PTOV1: variants seen among roughly 807,000 people sequenced by gnomAD.
PTOV1 encodes the protein prostate tumor-overexpressed gene 1 protein.
A neutral mutation model predicts 58.0 loss-of-function variants in PTOV1; 20 were observed. The ratio of observed to expected loss-of-function variants is 0.34; its 90% confidence interval spans 0.24 to 0.50. The LOEUF is 0.50. Among genes scored for constraint, PTOV1 ranks in the 20% least tolerant of loss-of-function variants. The pLI is 0.98. For missense variants in PTOV1, 593 were observed against 565.4 expected (o/e 1.05, Z -0.50); for synonymous variants, 335 against 234.2 (o/e 1.43, Z -3.93).
chr19:49,850,816 C>A, upstream of PTOV1: 1 of 1,523,094 alleles, frequency 6.6e-7, no homozygotes, highest in South Asian at 1.2e-5. Flanking sequence ...CCCATTATTC[C>A]GTCCTCCCCT....
chr19:49,859,572 CA>C (rs113785990), intron 10 of PTOV1, among the ~76,000 whole-genome samples: 5,691 of 127,464 alleles, frequency 0.045, 113 homozygotes, highest in South Asian at 0.13. Context: ...AACTCAGTCT[CA>C]AAAAAAAAAA....
At chr19:49,851,786 C>A in intron 1 of PTOV1, 1 of 1,048,972 alleles carries the variant, frequency 9.5e-7, no homozygotes, top group Non-Finnish European at 1.1e-6. Flanking sequence ...CTGGGGGCGG[C>A]AGACAGGCAG....
intron 5 of PTOV1, 30 bp downstream of exon 5, chr19:49,855,107 G>T: frequency 6.5e-7 from 1 of 1,537,166 alleles, no homozygotes; most frequent in Non-Finnish European, 8.9e-7. Flanking sequence ...TTGTAGCACT[G>T]TGGTGACAAG....
At chr19:49,855,012 T>C in exon 5 of PTOV1, 1 of 1,601,228 alleles carries the variant, frequency 6.2e-7, no homozygotes, top group Non-Finnish European at 8.5e-7. Flanking sequence ...GTTGGCACAG[T>C]TCCACTTCAC....
chr19:49,860,393 G>T, exon 12 of PTOV1: 1 of 993,852 alleles, frequency 1.0e-6, no homozygotes. Context: ...GGGGGGGTGG[G>T]GTTGGGAAAG....
intron 9 of PTOV1, chr19:49,858,328 G>A (rs2074573616): frequency 2.8e-6 from 2 of 720,790 alleles, no homozygotes; most frequent in East Asian, 5.4e-5. Flanking sequence ...AGCGGGGCAG[G>A]GGCAGCCACG....
At chr19:49,858,464 C>A in intron 9 of PTOV1, 85 bp from the exon 10 acceptor site, 2 of 1,134,798 alleles carry the variant, frequency 1.8e-6, no homozygotes, top group South Asian at 1.4e-5. Context: ...CAGTTTGGTC[C>A]TGGGCCCGGG....
chr19:49,850,720 C>G (rs976546410), upstream of PTOV1: 4 of 833,886 alleles, frequency 4.8e-6, no homozygotes, highest in African/African-American at 5.3e-5. Context: ...GCCACGTCAC[C>G]GACTGCAAAC....
chr19:49,853,298 T>G (rs893569325), intron 1 of PTOV1: 7 of 152,346 alleles, frequency 4.6e-5, no homozygotes, highest in African/African-American at 1.7e-4. Context: ...CTCGTGGGTT[T>G]CCTGCTGCCA....
intron 1 of PTOV1, chr19:49,852,697 C>T (rs1024799492): frequency 2.0e-5 from 3 of 152,192 alleles, no homozygotes; most frequent in Non-Finnish European, 4.4e-5. Context: ...CCTGAGTCAA[C>T]CTGCTCTCCT....
Position 49,857,735 on chromosome 19 carries a change from G to A in PTOV1, c.757G>A (p.Val253Ile), listed in dbSNP as rs150173437. The A allele has an allele frequency of 3.5e-4, 571 of 1,614,182 alleles. 3 individuals carry two copies. The African/African-American group carries it at 6.9e-3, about 19-fold the overall frequency. ...TGTCAACTCAGGCCCAGTCCAGATC[G>A]TCAACAACAAGTTTCTGGCATGGAG... Residue 253 changes from valine to isoleucine, a missense_variant, in exon 7 of 12, where the codon GTC (valine) becomes ATC (isoleucine). By Grantham distance (29) the Val-to-Ile change is conservative. Coordinates refer to ENST00000391842, the Ensembl canonical transcript of PTOV1.
intron 1 of PTOV1, 49 bp downstream of exon 1, chr19:49,851,548 A>G (rs1600351084): frequency 1.2e-6 from 1 of 822,434 alleles, no homozygotes; most frequent in Non-Finnish European, 1.5e-6. Flanking sequence ...CCGCCCCCCC[A>G]GCCCCTATCC....
exon 11 of PTOV1, chr19:49,860,150 G>T (rs1406668230): frequency 6.2e-7 from 1 of 1,614,198 alleles, no homozygotes; most frequent in African/African-American, 1.3e-5. Context: ...AGGTCCTGCA[G>T]CGGAACCTGG....
intron 4 of PTOV1, 22 bp downstream of exon 4, chr19:49,854,910 C>CCCCCCCCCCCTTGG: frequency 1.2e-6 from 2 of 1,607,072 alleles, no homozygotes; most frequent in Non-Finnish European, 8.5e-7. Flanking sequence ...CCCTCCCACC[C>CCCCCCCCCCCTTGG]CATCCACTCT....
chr19:49,851,699 CCGGGGTGGGGGGTTGGGGGA>C, intron 1 of PTOV1, 200 bp downstream of exon 1: 1 of 1,125,646 alleles, frequency 8.9e-7, no homozygotes, highest in Non-Finnish European at 1.1e-6. Flanking sequence ...CGCGTTCGGG[CCGGGGTGGGGGGTTGGGGGA>C]CGGGGGCGGG....
chr19:49,853,672 C>T (rs956609788), intron 1 of PTOV1, among the ~76,000 whole-genome samples: 21 of 152,016 alleles, frequency 1.4e-4, no homozygotes, highest in Middle Eastern at 3.5e-3. Context: ...GCATTTGTGG[C>T]GTTGCTTGGC....
rs771181635 is a variant in PTOV1, at chr19:49,858,033, C to T, written c.879-24C>T. The T allele has an allele frequency of 2.1e-5, 34 of 1,613,678 alleles. No homozygotes were observed. In the South Asian group the frequency reaches 2.3e-4, roughly 11 times the overall value. ...ATCCAGGGGAGCTGGGGCTTCCTGACCCTCGTCCCTTTGTGCCCCACAGGA... is the reference window on the plus strand; with the variant it reads ...ATCCAGGGGAGCTGGGGCTTCCTGATCCTCGTCCCTTTGTGCCCCACAGGA... On this transcript the variant is annotated intron_variant, in intron 8 of 11. Transcript: ENST00000391842.
rs537423003 is a variant in PTOV1 at position 49,857,994 on chromosome 19, G to T, written c.878+17G>T. On this transcript the variant is annotated intron_variant, in intron 8 of 11. Coordinates refer to ENST00000391842, the Ensembl canonical transcript of PTOV1. ...GGAGATCCTGTGAGTGCTGGGCTGG[G>T]GGGTGGAGGCAGCATCCAGGGGAGC... is the stretch of plus-strand genomic sequence containing the variant. 6.8e-6 allele frequency: 11 copies of T among 1,613,160 alleles called. No homozygotes were observed. Among genetic ancestry groups the T allele is most frequent in the Middle Eastern group, 1.7e-4 (1 of 6,054 alleles).
At chr19:49,851,889 G>A (rs2074266897) in intron 1 of PTOV1, 5 of 985,966 alleles carry the variant, frequency 5.1e-6, no homozygotes, top group Non-Finnish European at 2.4e-6. Flanking sequence ...ACAGCGGCGA[G>A]GGAGGGGCCC....
Sources: gnomAD v4.1 joint callset for allele counts (sites outside exome capture counted in the v4.1 genomes callset) on GRCh38, gnomAD v4.1.1 for gene constraint, MANE v1.5 for transcripts, NCBI Gene and HGNC (gene_info 2026-07-23, HGNC 2026-07-21) for gene names.